CFAP20DC: variants seen among roughly 807,000 people sequenced by gnomAD.
CFAP20DC encodes the protein protein CFAP20DC.
Under a neutral mutation model 101.7 loss-of-function variants are expected in CFAP20DC, and 84 were observed. The observed-to-expected ratio is 0.83, with a 90% confidence interval of 0.69 to 0.99. The LOEUF is 0.99. CFAP20DC is among the 50% of genes least tolerant of loss of function. CFAP20DC has a pLI of 0.00. For missense variants in CFAP20DC, 1,007 were observed against 970.3 expected (o/e 1.04, Z -0.50); for synonymous variants, 359 against 351.2 (o/e 1.02, Z -0.25).
chr3:58,856,313 C>CAT (rs1553697763), intron 12 of CFAP20DC, among the ~76,000 whole-genome samples: 1 of 131,520 alleles, frequency 7.6e-6, no homozygotes, highest in Admixed American at 7.1e-5. Context: ...CACACACACA[C>CAT]ATAACTGATG....
intron 4 of CFAP20DC, among the ~76,000 whole-genome samples, chr3:58,978,718 A>AC: frequency 7.1e-6 from 1 of 140,480 alleles, no homozygotes; most frequent in Middle Eastern, 3.6e-3. Flanking sequence ...CCTGTCTGCA[A>AC]AAAAAAAAAA....
rs1476715689 is a variant in CFAP20DC at position 58,728,427 on chromosome 3, G to C, written c.198-10799C>G. On this transcript the variant is annotated intron_variant, in intron 3 of 3. Transcript: ENST00000486145. The surrounding 1 kb of genome is among the most constrained non-coding windows in gnomAD (Gnocchi z 4.7). ...CAAAGACTAAAGAATTTTGATGTTTGTGTTATTCAGACCTTTACGTGATTT... is the reference window on the plus strand; with the variant it reads ...CAAAGACTAAAGAATTTTGATGTTTCTGTTATTCAGACCTTTACGTGATTT... 6.6e-6 allele frequency among the ~76,000 whole-genome samples: 1 copy of C among 152,150 alleles called. No homozygotes were observed. The highest frequency in any genetic ancestry group is 1.5e-5 in the Non-Finnish European group (1 of 68,026).
intron 3 of CFAP20DC, chr3:58,727,596 C>G (rs1305679508): frequency 6.6e-6 from 1 of 152,234 alleles, no homozygotes; most frequent in African/African-American, 2.4e-5. Flanking sequence ...GCCACCATGC[C>G]AAGCTAATTT....
chr3:58,745,040 T>C (rs2068099389), intron 16 of CFAP20DC, among the ~76,000 whole-genome samples: 1 of 152,114 alleles, frequency 6.6e-6, no homozygotes, highest in African/African-American at 2.4e-5. Flanking sequence ...CTGACCACCC[T>C]GCACAGTTTC....
intron 16 of CFAP20DC, among the ~76,000 whole-genome samples, chr3:58,749,541 G>A (rs755778846): frequency 3.3e-5 from 5 of 152,142 alleles, no homozygotes; most frequent in Admixed American, 3.3e-4. Context: ...ATATCTCATG[G>A]GAGATTAATC....
At chr3:58,734,087 ATATCTGG>A (rs906768049) in intron 3 of CFAP20DC, among the ~76,000 whole-genome samples, 62 of 152,116 alleles carry the variant, frequency 4.1e-4, no homozygotes, top group Middle Eastern at 3.4e-3. Flanking sequence ...AATTCTCAGA[ATATCTGG>A]TTGTTTAATA....
intron 6 of CFAP20DC, among the ~76,000 whole-genome samples, chr3:58,902,496 A>AT (rs1161503596): frequency 2.7e-4 from 41 of 152,188 alleles, no homozygotes; most frequent in African/African-American, 9.6e-4. Flanking sequence ...CCTCACTGTG[A>AT]TTTTAACTTG....
At chr3:58,731,147 C>T (rs997900949) in intron 3 of CFAP20DC, among the ~76,000 whole-genome samples, 11 of 152,180 alleles carry the variant, frequency 7.2e-5, no homozygotes, top group African/African-American at 1.9e-4. Context: ...ACTTTCCTTT[C>T]GTGGATGTGG....
At chr3:58,855,868 GA>G (rs1295997673) in intron 12 of CFAP20DC, among the ~76,000 whole-genome samples, 3 of 150,158 alleles carry the variant, frequency 2.0e-5, no homozygotes, top group Non-Finnish European at 4.4e-5. Context: ...ATAGCATTGG[GA>G]GATATACCTA....
chr3:58,810,423 C>G (rs1362706475), intron 14 of CFAP20DC, among the ~76,000 whole-genome samples: 1 of 152,104 alleles, frequency 6.6e-6, no homozygotes, highest in Non-Finnish European at 1.5e-5. Flanking sequence ...AAATGTAATC[C>G]AGCATATAAA....
chr3:58,790,180 T>C (rs1314041505), intron 15 of CFAP20DC, among the ~76,000 whole-genome samples: 1 of 152,188 alleles, frequency 6.6e-6, no homozygotes, highest in Non-Finnish European at 1.5e-5. Flanking sequence ...TTCTTCTAAT[T>C]ATTACACTCT....
chr3:58,810,205 A>T (rs1425656002), intron 14 of CFAP20DC, among the ~76,000 whole-genome samples: 1 of 152,150 alleles, frequency 6.6e-6, no homozygotes, highest in Non-Finnish European at 1.5e-5. Context: ...TCATTTTATG[A>T]GGCCAGCATC....
rs752865564 is a variant in CFAP20DC at position 58,894,916 on chromosome 3, T to C, written c.551-10207A>G. On this transcript the variant is annotated intron_variant, in intron 6 of 16. Coordinates refer to ENST00000482387, the MANE Select transcript of CFAP20DC (RefSeq NM_001394063.1). This position sits in a 1 kb window ranked among gnomAD's most constrained non-coding sequence, Gnocchi z 4.1. The stretch of plus-strand genomic sequence containing the variant: ...TGCAGGCTCAACACTATGTGGAAGC[T>C]GCCATGGCTTTGGGCTTGCACCCTC... Among the ~76,000 whole-genome samples, 1 of 152,226 alleles carries C rather than the reference T, an allele frequency of 6.6e-6. No homozygotes were observed. Among genetic ancestry groups the C allele is most frequent in the Non-Finnish European group, 1.5e-5 (1 of 68,034 alleles).
chr3:59,017,531 T>C (rs1576729839), intron 4 of CFAP20DC: 1 of 152,284 alleles, frequency 6.6e-6, no homozygotes, highest in South Asian at 2.1e-4. Flanking sequence ...TTGTAATCTT[T>C]AGTGACCTAT....
intron 15 of CFAP20DC, among the ~76,000 whole-genome samples, chr3:58,763,251 T>A (rs1312241752): frequency 6.6e-6 from 1 of 152,220 alleles, no homozygotes; most frequent in Non-Finnish European, 1.5e-5. Flanking sequence ...TTATTCTTTT[T>A]TCTCTAAACT....
rs2082546483 is a variant in CFAP20DC at position 58,894,941 on chromosome 3, C to T, written c.551-10232G>A. On this transcript the variant is annotated intron_variant, in intron 6 of 16. Transcript: ENST00000482387. The surrounding 1 kb of genome is among the most constrained non-coding windows in gnomAD (Gnocchi z 4.1). ...TGCCATGGCTTTGGGCTTGCACCCT[C>T]TGAAGCCATGGCCTAAGCTCTATGT... is the stretch of plus-strand genomic sequence containing the variant. Among the ~76,000 whole-genome samples, 1 of 152,242 alleles carries T rather than the reference C, an allele frequency of 6.6e-6. No individual in the cohort carries two copies. Among genetic ancestry groups the T allele is most frequent in the Admixed American group, 6.5e-5 (1 of 15,284 alleles).
intron 13 of CFAP20DC, among the ~76,000 whole-genome samples, 194 bp downstream of exon 13, chr3:58,848,838 A>G (rs1328540973): frequency 6.6e-6 from 1 of 152,202 alleles, no homozygotes; most frequent in Non-Finnish European, 1.5e-5. Context: ...GAGGTATTCT[A>G]TTATCCTTGG....
intron 15 of CFAP20DC, among the ~76,000 whole-genome samples, chr3:58,757,045 T>C (rs996182022): frequency 2.0e-5 from 3 of 152,110 alleles, no homozygotes; most frequent in Non-Finnish European, 4.4e-5. Context: ...TATTTTTGTA[T>C]ACTTAGAGGT....
chr3:58,816,709 G>T (rs936821988), intron 14 of CFAP20DC, among the ~76,000 whole-genome samples: 4 of 152,188 alleles, frequency 2.6e-5, no homozygotes, highest in African/African-American at 7.2e-5. Context: ...AGCGAGGCTG[G>T]GGGAGGGGCG....
Sources: gnomAD v4.1 joint callset for allele counts (sites outside exome capture counted in the v4.1 genomes callset) on GRCh38, gnomAD v4.1.1 for gene constraint, Gnocchi (gnomAD v3.1) non-coding constraint, MANE v1.5 for transcripts, NCBI Gene and HGNC (gene_info 2026-07-23, HGNC 2026-07-21) for gene names.